MAP4K5: variants seen among roughly 807,000 people sequenced by gnomAD.
The protein encoded by MAP4K5 is MAPK/ERK kinase kinase kinase 5.
A neutral mutation model predicts 135.6 loss-of-function variants in MAP4K5; 82 were observed. That is an observed-to-expected ratio of 0.60 (90% confidence interval 0.51 to 0.73). MAP4K5 has a LOEUF of 0.73. Among genes scored for constraint, MAP4K5 ranks in the 30% least tolerant of loss-of-function variants. The pLI is 0.00. For synonymous variants in MAP4K5, 347 were observed against 335.0 expected (o/e 1.04, Z -0.39); for missense variants, 907 against 1,010.9 (o/e 0.90, Z 1.39).
intron 3 of MAP4K5, among the ~76,000 whole-genome samples, chr14:50,498,418 C>T (rs1439808123): frequency 6.6e-6 from 1 of 152,082 alleles, no homozygotes; most frequent in Non-Finnish European, 1.5e-5. Flanking sequence ...CCTATATATA[C>T]AAAGAGCAAC....
At chr14:50,559,023 C>T (rs544530210) in intron 1 of MAP4K5, 3 of 152,270 alleles carry the variant, frequency 2.0e-5, no homozygotes, top group Admixed American at 6.5e-5. Context: ...AGGAAAACAA[C>T]GTGAGGATAA....
chr14:50,501,051 A>C (rs1208853835), intron 3 of MAP4K5, among the ~76,000 whole-genome samples: 3 of 152,146 alleles, frequency 2.0e-5, no homozygotes, highest in Non-Finnish European at 4.4e-5. Context: ...TATAAAACTA[A>C]GTCTAAATAA....
chr14:50,516,987 G>A (rs2038046570), intron 2 of MAP4K5, among the ~76,000 whole-genome samples: 1 of 152,022 alleles, frequency 6.6e-6, no homozygotes, highest in Non-Finnish European at 1.5e-5. Flanking sequence ...TTTTCAATAT[G>A]CCATGCCATA....
intron 8 of MAP4K5, among the ~76,000 whole-genome samples, chr14:50,475,834 G>A (rs1285859291): frequency 6.6e-6 from 1 of 152,190 alleles, no homozygotes; most frequent in Admixed American, 6.5e-5. Context: ...TGATTGAATA[G>A]ATTTATCACA....
chr14:50,552,481 A>G (rs2038714758), intron 1 of MAP4K5, among the ~76,000 whole-genome samples: 1 of 152,180 alleles, frequency 6.6e-6, no homozygotes, highest in South Asian at 2.1e-4. Context: ...CCATCAAAAT[A>G]CCATCATCAT....
At chr14:50,448,471 T>C (rs1227165722) in intron 15 of MAP4K5, among the ~76,000 whole-genome samples, 1 of 150,772 alleles carries the variant, frequency 6.6e-6, no homozygotes, top group African/African-American at 2.4e-5. Flanking sequence ...ACAGAATCAG[T>C]TAAAAAAAAA....
chr14:50,507,841 A>G (rs2037844819), intron 2 of MAP4K5, among the ~76,000 whole-genome samples: 1 of 152,034 alleles, frequency 6.6e-6, no homozygotes, highest in African/African-American at 2.4e-5. Flanking sequence ...TGGGGTGGAG[A>G]GTTCTGTAGA....
intron 6 of MAP4K5, among the ~76,000 whole-genome samples, chr14:50,478,094 T>C (rs2139886992): frequency 6.6e-6 from 1 of 152,280 alleles, no homozygotes; most frequent in South Asian, 2.1e-4. Flanking sequence ...CGGAGTTTTC[T>C]TTGTGAGAAT....
chr14:50,523,316 A>C (rs1420608214), intron 2 of MAP4K5, among the ~76,000 whole-genome samples: 1 of 152,160 alleles, frequency 6.6e-6, no homozygotes, highest in Non-Finnish European at 1.5e-5. Flanking sequence ...TGTCTCAAAA[A>C]AAAAAATCAT....
At chr14:50,428,240 T>C (rs1165854379) in intron 30 of MAP4K5, among the ~76,000 whole-genome samples, 1 of 152,144 alleles carries the variant, frequency 6.6e-6, no homozygotes, top group African/African-American at 2.4e-5. Context: ...CACTACTGTA[T>C]TTAAGAGCAC....
intron 6 of MAP4K5, among the ~76,000 whole-genome samples, chr14:50,481,143 C>A: frequency 6.6e-6 from 1 of 150,454 alleles, no homozygotes; most frequent in Non-Finnish European, 1.5e-5. Context: ...AATTAAAATA[C>A]AAAGAAAATG....
At chr14:50,552,776 T>G (rs2038718829) in intron 1 of MAP4K5, among the ~76,000 whole-genome samples, 1 of 152,138 alleles carries the variant, frequency 6.6e-6, no homozygotes, top group South Asian at 2.1e-4. Flanking sequence ...GGATACCCTA[T>G]TCAATAAATG....
chr14:50,460,325 C>G (rs893343939), intron 13 of MAP4K5, among the ~76,000 whole-genome samples: 2 of 152,132 alleles, frequency 1.3e-5, no homozygotes, highest in Non-Finnish European at 2.9e-5. Context: ...TTGTGCCCCC[C>G]CAACTGCCTG....
intron 31 of MAP4K5, among the ~76,000 whole-genome samples, chr14:50,424,017 T>C (rs2035789814): frequency 6.6e-6 from 1 of 152,182 alleles, no homozygotes; most frequent in African/African-American, 2.4e-5. Flanking sequence ...GTGTTCTTTA[T>C]TGGCTTTTTG....
chr14:50,531,313 GT>G (rs1328621613), intron 2 of MAP4K5, among the ~76,000 whole-genome samples: 1 of 152,200 alleles, frequency 6.6e-6, no homozygotes, highest in Non-Finnish European at 1.5e-5. Flanking sequence ...GTTATAGGAT[GT>G]TATAAATCCC....
At chr14:50,422,103 T>C (rs1486554683) in intron 32 of MAP4K5, among the ~76,000 whole-genome samples, 1 of 152,050 alleles carries the variant, frequency 6.6e-6, no homozygotes, top group Non-Finnish European at 1.5e-5. Flanking sequence ...TGCCTCGGCC[T>C]CCCAAAGTGC....
chr14:50,480,017 A>C (rs550798941), intron 6 of MAP4K5, among the ~76,000 whole-genome samples: 11 of 142,056 alleles, frequency 7.7e-5, no homozygotes, highest in Non-Finnish European at 1.5e-4. Context: ...TATTTTGCCT[A>C]CTTTATTTGA....
At chr14:50,425,802 C>CACT (rs1227798593) in intron 31 of MAP4K5, 105 bp downstream of exon 31, 4 of 701,958 alleles carry the variant, frequency 5.7e-6, no homozygotes, top group Non-Finnish European at 9.7e-6. Flanking sequence ...GTATTAAAAG[C>CACT]ACTAAACACA....
chr14:50,456,452 C>CT (rs2036595717), intron 14 of MAP4K5, 64 bp downstream of exon 14: 1 of 1,171,296 alleles, frequency 8.5e-7, no homozygotes, highest in Non-Finnish European at 1.2e-6. Context: ...TTCTACAAAA[C>CT]ATACAAGAAC....
Sources: gnomAD v4.1 joint callset for allele counts (sites outside exome capture counted in the v4.1 genomes callset) on GRCh38, gnomAD v4.1.1 for gene constraint, MANE v1.5 for transcripts, NCBI Gene and HGNC (gene_info 2026-07-23, HGNC 2026-07-21) for gene names.